ABCC4: variants seen among roughly 807,000 people sequenced by gnomAD.
ABCC4 encodes ATP-binding cassette sub-family C member 4.
ABCC4 carries 102 observed loss-of-function variants against 168.5 expected under a neutral mutation model. The observed-to-expected ratio is 0.61, with a 90% CI of 0.52 to 0.71. The LOEUF (loss-of-function observed/expected upper bound fraction) is 0.71. ABCC4 is among the 30% of genes least tolerant of loss of function. The pLI, the probability that ABCC4 is intolerant of heterozygous loss-of-function variation, is 0.00. For synonymous variants in ABCC4, 617 were observed against 590.7 expected (o/e 1.04, Z -0.65); for missense variants, 1,402 against 1,605.8 (o/e 0.87, Z 2.17).
intron 3 of ABCC4, among the ~76,000 whole-genome samples, chr13:95,244,962 C>T (rs1293353660): frequency 6.6e-6 from 1 of 152,068 alleles, no homozygotes; most frequent in Non-Finnish European, 1.5e-5. Context: ...CGATCCGGGC[C>T]CCTTCCCACA....
At chr13:95,270,738 A>G (rs1177566882) in intron 1 of ABCC4, among the ~76,000 whole-genome samples, 1 of 152,198 alleles carries the variant, frequency 6.6e-6, no homozygotes, top group East Asian at 1.9e-4. Context: ...AACCACACTG[A>G]GTAGGGAAGC....
intron 4 of ABCC4, among the ~76,000 whole-genome samples, chr13:95,226,126 C>A (rs1007545743): frequency 6.6e-6 from 1 of 150,720 alleles, no homozygotes; most frequent in Non-Finnish European, 1.5e-5. Flanking sequence ...TGGAGAATTA[C>A]TTCTCCAACA....
At chr13:95,257,532 T>C (rs1295219657) in intron 1 of ABCC4, among the ~76,000 whole-genome samples, 1 of 151,976 alleles carries the variant, frequency 6.6e-6, no homozygotes, top group African/African-American at 2.4e-5. Context: ...TAGCCGGACA[T>C]GGCGGTGCAC....
chr13:95,298,060 G>A (rs1380388545), intron 1 of ABCC4, among the ~76,000 whole-genome samples: 2 of 152,044 alleles, frequency 1.3e-5, no homozygotes, highest in East Asian at 1.9e-4. Context: ...AGGCCAAGGC[G>A]GGCAGATCAC....
chr13:95,044,477 GC>G, intron 27 of ABCC4, 39 bp from the exon 28 acceptor site: 1 of 1,563,386 alleles, frequency 6.4e-7, no homozygotes, highest in Non-Finnish European at 8.7e-7. Context: ...TATCATTCAA[GC>G]CGCTATGGAA....
intron 1 of ABCC4, among the ~76,000 whole-genome samples, 165 bp from the exon 2 acceptor site, chr13:95,247,918 G>GCACACACACACACACACA (rs34133084): frequency 0.18 from 26,288 of 142,380 alleles, 2,655 homozygotes; most frequent in Non-Finnish European, 0.21. Context: ...GTTAACATGT[G>GCACACACACACACACACA]CACACACACA....
Position 95,115,902 on chromosome 13 carries a change from G to A in ABCC4, c.2535+20C>T, listed in dbSNP as rs2035360889. On this transcript the variant is annotated intron_variant, in intron 20 of 30. Coordinates refer to ENST00000645237, the MANE Select transcript of ABCC4 (RefSeq NM_005845.5). ...ACTTCCGTTTTCCATTTGAGATCCT[G>A]ACATTACTCTCAACGTTACCTGGAT... 1 of 1,597,056 alleles carries A rather than the reference G, an allele frequency of 6.3e-7. No homozygotes were observed. The highest frequency in any genetic ancestry group is 1.1e-5 in the South Asian group (1 of 89,260).
intron 4 of ABCC4, among the ~76,000 whole-genome samples, chr13:95,222,583 G>A (rs1297392297): frequency 2.6e-5 from 4 of 152,204 alleles, no homozygotes; most frequent in African/African-American, 4.8e-5. Flanking sequence ...GGTCAAGGCC[G>A]CCCAAGCCTT....
Position 95,075,204 on chromosome 13 carries a change from AC to A in ABCC4, c.2806+227del, listed in dbSNP as rs1349573495. On this transcript the variant is annotated intron_variant, in intron 22 of 30. Transcript: ENST00000645237. Reference sequence around the variant, plus strand: ...ACAGGCCATGCATGGTGAGAGAAAGACCCCACAAGCCAGTCAGGGGGCACAA... The same window carrying A: ...ACAGGCCATGCATGGTGAGAGAAAGACCCACAAGCCAGTCAGGGGGCACAA... 7.5e-6 allele frequency: 4 copies of A among 533,238 alleles called. No individual in the cohort carries two copies. The African/African-American group carries it at 7.6e-5, about 10-fold the overall frequency. 33.0% of individuals were successfully genotyped at this position (533,238 alleles called of 1,614,324 possible). A position where few individuals can be genotyped will look rare whatever the true frequency, so the allele number is the denominator to read the frequency against.
chr13:95,291,011 G>GAC (rs2041391209), intron 1 of ABCC4, among the ~76,000 whole-genome samples: 1 of 22,824 alleles, frequency 4.4e-5, no homozygotes, highest in Non-Finnish European at 1.1e-4. Context: ...AAAAAAAAAA[G>GAC]AGGAAACCAT....
At chr13:95,113,361 C>T (rs894340750) in intron 20 of ABCC4, among the ~76,000 whole-genome samples, 1 of 152,088 alleles carries the variant, frequency 6.6e-6, no homozygotes, top group African/African-American at 2.4e-5. Flanking sequence ...TAATTAATTT[C>T]CAGAAGATTG....
At position 95,301,264 on chromosome 13, in the gene ABCC4, G is replaced by A. The variant is rs1566613743; in HGVS notation, c.51C>T (p.Asn17=). ...EVKPNPLQDA[N]LCSRVFFWWL... ...ACCAGAAGAACACGCGTGAGCAGAG[G>A]TTCGCGTCCTGCAGCGGGTTGGGCT... The change falls in exon 1 of 31, where the codon AAC becomes AAT. Residue 17 remains asparagine (N), a synonymous_variant. Coordinates refer to ENST00000645237, the MANE Select transcript of ABCC4 (RefSeq NM_005845.5). 1.3e-6 allele frequency: 2 copies of A among 1,595,630 alleles called. No homozygotes were observed. Among genetic ancestry groups the A allele is most frequent in the Non-Finnish European group, 1.7e-6 (2 of 1,171,748 alleles).
intron 30 of ABCC4, among the ~76,000 whole-genome samples, chr13:95,022,991 T>C (rs2031178771): frequency 6.6e-6 from 1 of 152,240 alleles, no homozygotes; most frequent in African/African-American, 2.4e-5. Flanking sequence ...ATGCAAGTGT[T>C]CAAAAGTAAG....
intron 29 of ABCC4, among the ~76,000 whole-genome samples, chr13:95,035,458 T>C (rs2032082156): frequency 6.6e-6 from 1 of 152,222 alleles, no homozygotes; most frequent in Admixed American, 6.5e-5. Flanking sequence ...ATTTTCTCTT[T>C]GGATAAGACT....
intron 4 of ABCC4, among the ~76,000 whole-genome samples, chr13:95,226,742 G>A (rs1248167744): frequency 2.0e-5 from 3 of 152,010 alleles, no homozygotes; most frequent in Non-Finnish European, 4.4e-5. Flanking sequence ...CTCAACACCC[G>A]GGCTCTCCTG....
chr13:95,207,487 A>G (rs2139676482), intron 7 of ABCC4, among the ~76,000 whole-genome samples: 1 of 152,372 alleles, frequency 6.6e-6, no homozygotes. Context: ...GTTTTATTTT[A>G]AACACCATTA....
At chr13:95,203,676 T>C (rs1351348351) in intron 8 of ABCC4, among the ~76,000 whole-genome samples, 2 of 152,002 alleles carry the variant, frequency 1.3e-5, no homozygotes, top group Admixed American at 1.3e-4. Context: ...CTATATTTAA[T>C]GTCAGACATG....
intron 1 of ABCC4, among the ~76,000 whole-genome samples, chr13:95,277,282 G>A (rs768544027): frequency 6.6e-6 from 1 of 151,648 alleles, no homozygotes; most frequent in Non-Finnish European, 1.5e-5. Flanking sequence ...CAGAGTAACA[G>A]TAAGATCCAC....
intron 19 of ABCC4, among the ~76,000 whole-genome samples, chr13:95,125,650 C>T (rs2035732991): frequency 6.6e-6 from 1 of 152,168 alleles, no homozygotes; most frequent in South Asian, 2.1e-4. Context: ...TGCTGTGTGA[C>T]CCAGGGCAAA....
Sources: gnomAD v4.1 joint callset for allele counts (sites outside exome capture counted in the v4.1 genomes callset) on GRCh38, gnomAD v4.1.1 for gene constraint, MANE v1.5 for transcripts, NCBI Gene and HGNC (gene_info 2026-07-23, HGNC 2026-07-21) for gene names.